Variants in DNM3 observed in about 807,000 individuals in gnomAD.
DNM3 encodes dynamin-3.
In DNM3, 47 loss-of-function variants were observed where a neutral mutation model predicts 101.6. The observed-to-expected ratio is 0.46, with a 90% CI of 0.37 to 0.59. DNM3 has a LOEUF of 0.59. Among genes scored for constraint, DNM3 ranks in the 20% least tolerant of loss-of-function variants. The probability of loss-of-function intolerance (pLI) is 0.00; values close to 1 mark genes in which losing one functional copy is unlikely to be tolerated. For synonymous variants in DNM3, 385 were observed against 387.9 expected, an observed-to-expected ratio of 0.99 and a Z score of 0.09; for missense variants, 849 against 1,085.7, an observed-to-expected ratio of 0.78 and a Z score of 3.06.
intron 20 of DNM3, among the ~76,000 whole-genome samples, chr1:172,406,684 TC>T (rs1352524618): frequency 1.3e-5 from 2 of 151,760 alleles, no homozygotes; most frequent in African/African-American, 2.4e-5. Context: ...ACTATTTTTT[TC>T]AAAACTATTT....
At chr1:172,131,045 T>C in intron 13 of DNM3, 130 bp from the exon 14 acceptor site, 1 of 757,952 alleles carries the variant, frequency 1.3e-6, no homozygotes, top group Non-Finnish European at 2.2e-6. Context: ...TCAATGGAAG[T>C]TGAGTTTGGA....
chr1:171,868,611 G>C (rs982041444), intron 1 of DNM3, among the ~76,000 whole-genome samples: 1 of 152,148 alleles, frequency 6.6e-6, no homozygotes, highest in Admixed American at 6.5e-5. Context: ...TTTCAGGCAG[G>C]AAGAAAGAAT....
intron 4 of DNM3, among the ~76,000 whole-genome samples, chr1:172,008,219 G>C (rs2046829521): frequency 1.3e-5 from 2 of 151,502 alleles, no homozygotes; most frequent in African/African-American, 4.9e-5. Context: ...AATTTCATTT[G>C]TCTGTTTTTG....
At chr1:171,886,286 T>G (rs911347607) in intron 1 of DNM3, among the ~76,000 whole-genome samples, 1 of 152,214 alleles carries the variant, frequency 6.6e-6, no homozygotes, top group Admixed American at 6.5e-5. Context: ...GCCTCACAGA[T>G]AGTAGATCCA....
At chr1:172,364,038 A>G (rs1216019825) in intron 17 of DNM3, among the ~76,000 whole-genome samples, 1 of 151,916 alleles carries the variant, frequency 6.6e-6, no homozygotes, top group Admixed American at 6.6e-5. Flanking sequence ...CTTAGTTCAT[A>G]TTACATGCTA....
At chr1:172,320,808 T>G (rs994808345) in intron 16 of DNM3, among the ~76,000 whole-genome samples, 1 of 152,122 alleles carries the variant, frequency 6.6e-6, no homozygotes, top group Non-Finnish European at 1.5e-5. Context: ...TGTCGGGAGC[T>G]GAGAATTCAC....
chr1:172,032,645 TAC>T lies in DNM3; in HGVS notation c.688+146_688+147del. The T allele has an allele frequency of 4.0e-6, 2 of 496,508 alleles. 1 individual carries two copies. The allele number at this position is 496,508 out of a possible 1,614,324, so 30.8% of individuals were successfully genotyped here. A position where few individuals can be genotyped will look rare whatever the true frequency, so the allele number is the denominator to read the frequency against. On this transcript the variant is annotated intron_variant, in intron 5 of 20. Coordinates refer to ENST00000627582, the MANE Select transcript of DNM3 (RefSeq NM_015569.5). ...TAAGGAATGGATTTATTATTAGTTA[TAC>T]TTTTCTGGAATGGCTGTATGTTCCC...
rs763767094 is a variant in DNM3 at position 172,412,120 on chromosome 1, AGT to A, written c.*4282_*4283del. On this transcript the variant is annotated 3_prime_UTR_variant, in exon 21 of 21. Coordinates refer to ENST00000627582, the MANE Select transcript of DNM3 (RefSeq NM_015569.5). ...GCAAGAGAGAGGAAACTCAAAGAGG[AGT>A]GTTTGTCTTAAGACCTGTTCATACT... The A allele has an allele frequency of 8.7e-5, 86 of 985,674 alleles. 1 individual carries two copies. The highest frequency in any genetic ancestry group is 3.7e-5 in the Non-Finnish European group (31 of 829,846). 61.1% of individuals were successfully genotyped at this position (985,674 alleles called of 1,614,324 possible).
intron 14 of DNM3, among the ~76,000 whole-genome samples, chr1:172,132,080 C>T (rs1025099840): frequency 5.9e-5 from 9 of 152,152 alleles, no homozygotes; most frequent in South Asian, 4.2e-4. Flanking sequence ...ACTTATAATG[C>T]GGCATGCAAA....
At chr1:172,073,014 A>C (rs2052328388) in intron 11 of DNM3, among the ~76,000 whole-genome samples, 1 of 152,202 alleles carries the variant, frequency 6.6e-6, no homozygotes, top group African/African-American at 2.4e-5. Context: ...CTAAGGATAA[A>C]ATGGTGAACA....
At chr1:172,259,453 T>C (rs2062553994) in intron 15 of DNM3, among the ~76,000 whole-genome samples, 1 of 152,080 alleles carries the variant, frequency 6.6e-6, no homozygotes, top group Non-Finnish European at 1.5e-5. Context: ...GAGGATACAA[T>C]CATTACAATC....
chr1:171,879,571 A>G (rs972261778), intron 1 of DNM3, among the ~76,000 whole-genome samples: 3 of 152,242 alleles, frequency 2.0e-5, no homozygotes, highest in South Asian at 2.1e-4. Context: ...AGCATTTACC[A>G]TAAGGAATTA....
chr1:171,959,875 AG>A (rs2043103545), intron 2 of DNM3, among the ~76,000 whole-genome samples: 1 of 152,084 alleles, frequency 6.6e-6, no homozygotes, highest in Non-Finnish European at 1.5e-5. Context: ...TGGGGACAGA[AG>A]CCAACTGAAG....
At position 172,139,378 on chromosome 1, in the gene DNM3, A is replaced by G. The variant is rs375661746; in HGVS notation, c.1659+8090A>G. 3.0e-3 allele frequency: 471 copies of G among 158,216 alleles called. 2 individuals carry two copies. Among genetic ancestry groups the G allele is most frequent in the African/African-American group, 0.01 (422 of 41,608 alleles). 9.8% of individuals were successfully genotyped at this position (158,216 alleles called of 1,614,324 possible). ...AAAAAGAAAATTATCATTTACATGG[A>G]AACAGCAGCCCTTTTCAAAATAATT... is the stretch of plus-strand genomic sequence containing the variant. On this transcript the variant is annotated intron_variant, in intron 14 of 20. Coordinates refer to ENST00000627582, the MANE Select transcript of DNM3 (RefSeq NM_015569.5).
In DNM3 at chr1:172,071,824, T is replaced by A. The variant is rs565647851; in HGVS notation, c.1422+2919T>A. 2.1e-3 allele frequency among the ~76,000 whole-genome samples: 321 copies of A among 152,208 alleles called. 1 individual carries two copies. The highest frequency in any genetic ancestry group is 2.6e-3 in the Non-Finnish European group (175 of 68,014). Reference sequence around the variant, plus strand: ...AGGGGTAGCTTTACTTTGCTTCAACTAAATATTCAATAACTGTGGATGAAA... The same window carrying A: ...AGGGGTAGCTTTACTTTGCTTCAACAAAATATTCAATAACTGTGGATGAAA... On this transcript the variant is annotated intron_variant, in intron 11 of 20. Transcript: ENST00000627582.
intron 15 of DNM3, among the ~76,000 whole-genome samples, chr1:172,294,359 T>C (rs1013942698): frequency 6.6e-6 from 1 of 152,192 alleles, no homozygotes; most frequent in African/African-American, 2.4e-5. Flanking sequence ...GTTTAAAAAA[T>C]AAGCACTGTC....
At chr1:172,418,445 C>T in exon 21 of DNM3, 1 of 719,254 alleles carries the variant, frequency 1.4e-6, no homozygotes, top group South Asian at 2.7e-5. Context: ...ATAATAAAAA[C>T]AAAGTTTATT....
At chr1:172,093,661 T>C (rs1372032534) in intron 13 of DNM3, 3 of 1,578,282 alleles carry the variant, frequency 1.9e-6, no homozygotes, top group Non-Finnish European at 2.6e-6. Flanking sequence ...AAACTTTTTT[T>C]CTGAACTAAA....
At chr1:172,400,701 TA>T (rs1405858826) in intron 20 of DNM3, among the ~76,000 whole-genome samples, 1 of 152,210 alleles carries the variant, frequency 6.6e-6, no homozygotes, top group African/African-American at 2.4e-5. Context: ...AATCATATTT[TA>T]ATACAACTAA....
Sources: gnomAD v4.1 joint callset for allele counts (sites outside exome capture counted in the v4.1 genomes callset) on GRCh38, gnomAD v4.1.1 for gene constraint, MANE v1.5 for transcripts, NCBI Gene and HGNC (gene_info 2026-07-23, HGNC 2026-07-21) for gene names.